The following OLFML2B variants were observed in gnomAD, a reference collection of about 807,000 sequenced individuals.
The protein encoded by OLFML2B is olfactomedin like 2B.
OLFML2B carries 57 observed loss-of-function variants against 74.9 expected under a neutral mutation model. The ratio of observed to expected loss-of-function variants is 0.76; its 90% CI spans 0.61 to 0.95. The LOEUF is 0.95. OLFML2B is among the 40% of genes least tolerant of loss of function. The pLI, the probability that OLFML2B is intolerant of heterozygous loss-of-function variation, is 0.00. For missense variants in OLFML2B, 986 were observed against 970.6 expected, an observed-to-expected ratio of 1.02 and a Z score of -0.21; for synonymous variants, 388 against 405.8, an observed-to-expected ratio of 0.96 and a Z score of 0.53.
In OLFML2B at chr1:161,984,119, G is replaced by C; in HGVS notation, c.1809C>G (p.Asp603Glu). The part of the protein sequence containing the change: ...RYVAAWAMLH[D>E]VAYEEATPWR... ...AGGGGGTGGCCTCCTCGTAGGCCAC[G>C]TCATGCAGCATGGCCCAGGCAGCCA... The change falls in exon 8 of 8, where the codon GAC becomes GAG. Residue 603 changes from aspartate (D) to glutamate (E), a missense_variant. Asp to Glu is a conservative substitution (Grantham distance 45). Coordinates refer to ENST00000294794, the MANE Select transcript of OLFML2B (RefSeq NM_015441.3). The C allele has an allele frequency of 6.2e-7, 1 of 1,611,338 alleles. No homozygotes were observed. Among genetic ancestry groups the C allele is most frequent in the Non-Finnish European group, 8.5e-7 (1 of 1,178,264 alleles).
intron 4 of OLFML2B, 73 bp from the exon 5 acceptor site, chr1:162,000,411 C>G: frequency 7.8e-7 from 1 of 1,288,600 alleles, no homozygotes. Flanking sequence ...GGGGGCAAGG[C>G]TGGAGCCAAG....
chr1:161,983,599 C>T lies in OLFML2B; in HGVS notation c.*76G>A. On this transcript the variant is annotated 3_prime_UTR_variant, in exon 8 of 8. Transcript: ENST00000294794. ...TTTTTAAACAACACATACCCACCTA[C>T]ACACACGTGCGCGCACACACATACA... 6.8e-7 allele frequency: 1 copy of T among 1,469,866 alleles called. No homozygotes were observed. The highest frequency in any genetic ancestry group is 9.2e-7 in the Non-Finnish European group (1 of 1,083,770). 91.1% of individuals were successfully genotyped at this position (1,469,866 alleles called of 1,614,324 possible). A position where few individuals can be genotyped will look rare whatever the true frequency, so the allele number is the denominator to read the frequency against.
intron 6 of OLFML2B, among the ~76,000 whole-genome samples, chr1:161,996,112 C>T (rs570659077): frequency 3.3e-5 from 5 of 152,332 alleles, no homozygotes; most frequent in South Asian, 2.1e-4. Flanking sequence ...TCCAGGCCAG[C>T]GTTCATGAGA....
At chr1:162,020,240 G>A in intron 1 of OLFML2B, 58 bp from the exon 2 acceptor site, 3 of 1,582,186 alleles carry the variant, frequency 1.9e-6, no homozygotes, top group Non-Finnish European at 2.6e-6. Flanking sequence ...TCAGCCTCCA[G>A]AAGGAGGCTC....
chr1:162,016,356 T>C (rs1257079119), intron 3 of OLFML2B, among the ~76,000 whole-genome samples: 2 of 152,254 alleles, frequency 1.3e-5, no homozygotes, highest in Non-Finnish European at 2.9e-5. Flanking sequence ...GAACTCATTC[T>C]GTCCTGACTC....
chr1:162,020,231 C>A lies in OLFML2B; in HGVS notation c.175-49G>T, dbSNP rs747827836. ...GGGGCATGCAAACACAGGTGTCAGT[C>A]AGCCTCCAGAAGGAGGCTCTCCATT... is the stretch of plus-strand genomic sequence containing the variant. On this transcript the variant is annotated intron_variant, in intron 1 of 7. Transcript: ENST00000294794. 2.5e-6 allele frequency: 4 copies of A among 1,599,680 alleles called. No homozygotes were observed. The Admixed American group carries it at 6.7e-5, about 27-fold the overall frequency.
intron 2 of OLFML2B, 39 bp downstream of exon 2, chr1:162,019,880 G>A: frequency 6.2e-7 from 1 of 1,601,980 alleles, no homozygotes; most frequent in Non-Finnish European, 8.5e-7. Context: ...TCTCAAAAGT[G>A]CCCTCTCGTC....
At position 162,023,237 on chromosome 1, in the gene OLFML2B, C is replaced by T. The variant is rs761990338; in HGVS notation, c.174+20G>A. The T allele has an allele frequency of 6.7e-7, 1 of 1,486,478 alleles. No homozygotes were observed. Among genetic ancestry groups the T allele is most frequent in the South Asian group, 1.4e-5 (1 of 73,104 alleles). 92.1% of individuals were successfully genotyped at this position (1,486,478 alleles called of 1,614,324 possible). ...CACCATCCAGGGCAAGAAGGGCGGTCGTGGCACTCTGCATCCTACCTGAGA... is the reference window on the plus strand; with the variant it reads ...CACCATCCAGGGCAAGAAGGGCGGTTGTGGCACTCTGCATCCTACCTGAGA... On this transcript the variant is annotated intron_variant, in intron 1 of 7. Coordinates refer to ENST00000294794, the MANE Select transcript of OLFML2B (RefSeq NM_015441.3).
Position 161,984,145 on chromosome 1 carries a change from C to T in OLFML2B, c.1783G>A (p.Val595Met), listed in dbSNP as rs780805933. Residue 595 changes from valine (V) to methionine (M), a missense_variant, in exon 8 of 8, where the codon GTG (valine) becomes ATG (methionine). Val to Met is a conservative substitution (Grantham distance 21). Coordinates refer to ENST00000294794, the MANE Select transcript of OLFML2B (RefSeq NM_015441.3). ...TCATGCAGCATGGCCCAGGCAGCCA[C>T]GTAGCGCTGCTTCAGGTCGTACTTG... is the stretch of plus-strand genomic sequence containing the variant. ...IIKYDLKQRYVAAWAMLHDVA... is the reference protein window; with the variant it reads ...IIKYDLKQRYMAAWAMLHDVA... 8 of 1,610,324 alleles carry T rather than the reference C, an allele frequency of 5.0e-6. No homozygotes were observed. The highest frequency in any genetic ancestry group is 1.7e-5 in the Admixed American group (1 of 59,508).
In OLFML2B at chr1:161,983,711, G is replaced by T. The variant is rs762622095; in HGVS notation, c.2217C>A (p.Gly739=). 2 of 1,612,098 alleles carry T rather than the reference G, an allele frequency of 1.2e-6. No homozygotes were observed. Among genetic ancestry groups the T allele is most frequent in the African/African-American group, 2.7e-5 (2 of 74,816 alleles). ...KDRLLYAWDN[G]HQVTYHVIFA... ...AGATGACATGGTAAGTGACCTGGTG[G>T]CCATTGTCCCAGGCATAGAGCAGGC... The change falls in exon 8 of 8, where the codon GGC becomes GGA. Residue 739 remains glycine, a synonymous_variant. Transcript: ENST00000294794.
rs1275555049 is a variant in OLFML2B, at chr1:162,019,942, C to T, written c.415G>A (p.Glu139Lys). Residue 139 changes from glutamate to lysine, a missense_variant, in exon 2 of 8, where the codon GAG becomes AAG. Transcript: ENST00000294794. ...EGDFRLQKLR[E>K]ADSQDLKLST... ...ACCTTCAAGTCCTGGCTGTCTGCCTCCCGCAGCTTCTGGAGCCTGAAGTCT... is the reference window on the plus strand; with the variant it reads ...ACCTTCAAGTCCTGGCTGTCTGCCTTCCGCAGCTTCTGGAGCCTGAAGTCT... 3.7e-6 allele frequency: 6 copies of T among 1,614,070 alleles called. No individual in the cohort carries two copies. The East Asian group carries it at 1.1e-4, about 30-fold the overall frequency.
At chr1:162,022,260 T>TTC (rs1553251579) in intron 1 of OLFML2B, among the ~76,000 whole-genome samples, 4 of 127,826 alleles carry the variant, frequency 3.1e-5, no homozygotes, top group South Asian at 2.5e-4. Flanking sequence ...TTTTTTTTTT[T>TTC]TTTTTTTTGA....
At position 161,983,946 on chromosome 1, in the gene OLFML2B, T is replaced by G; in HGVS notation, c.1982A>C (p.Glu661Ala). ...LNAADLSTQKETTWRTGLRRN... is the reference protein window; with the variant it reads ...LNAADLSTQKATTWRTGLRRN... Reference sequence around the variant, plus strand: ...CCGGAGCCCCGTGCGCCATGTGGTCTCCTTCTGTGTGCTCAGGTCCGCGGC... The same window carrying G: ...CCGGAGCCCCGTGCGCCATGTGGTCGCCTTCTGTGTGCTCAGGTCCGCGGC... The change falls in exon 8 of 8, where the codon GAG (glutamate) becomes GCG (alanine). Residue 661 changes from glutamate to alanine, a missense_variant. By Grantham distance (107) the Glu-to-Ala change is moderately radical. Transcript: ENST00000294794. The G allele has an allele frequency of 6.2e-7, 1 of 1,614,232 alleles. No individual in the cohort carries two copies. The highest frequency in any genetic ancestry group is 8.5e-7 in the Non-Finnish European group (1 of 1,180,036).
intron 3 of OLFML2B, among the ~76,000 whole-genome samples, chr1:162,011,778 C>T (rs538292390): frequency 6.6e-5 from 10 of 152,280 alleles, no homozygotes; most frequent in East Asian, 3.9e-4. Context: ...AAGACCCAGG[C>T]CTCTGGTGAT....
intron 6 of OLFML2B, among the ~76,000 whole-genome samples, chr1:161,986,048 A>G (rs1298187199): frequency 1.3e-5 from 2 of 152,160 alleles, no homozygotes; most frequent in Non-Finnish European, 2.9e-5. Flanking sequence ...CTGTCCTCAC[A>G]CTTGTGGATT....
chr1:161,995,227 G>C (rs4657132), intron 6 of OLFML2B, among the ~76,000 whole-genome samples: 86,869 of 143,774 alleles, frequency 0.6, 25,655 homozygotes, highest in Middle Eastern at 0.69. Context: ...GACAGCCAAA[G>C]CTTTCTTCTC....
rs1354436949 is a variant in OLFML2B at position 162,006,566 on chromosome 1, C to A, written c.547-93G>T. The A allele has an allele frequency of 3.1e-6, 3 of 974,494 alleles. No homozygotes were observed. In the African/African-American group the frequency reaches 4.8e-5, roughly 16 times the overall value. 60.4% of individuals were successfully genotyped at this position (974,494 alleles called of 1,614,324 possible). A position where few individuals can be genotyped will look rare whatever the true frequency, so the allele number is the denominator to read the frequency against. On this transcript the variant is annotated intron_variant, in intron 3 of 7. Transcript: ENST00000294794. ...CATCTTCGCTCAGAGCACACAGACA[C>A]AACAGACAGGCTGAGAAATCATCCA...
At chr1:161,995,593 G>C (rs183286961) in intron 6 of OLFML2B, among the ~76,000 whole-genome samples, 39 of 152,294 alleles carry the variant, frequency 2.6e-4, no homozygotes, top group African/African-American at 9.4e-4. Context: ...CAGTTGGGGA[G>C]AGGCTGGGTT....
intron 3 of OLFML2B, among the ~76,000 whole-genome samples, chr1:162,014,412 A>T (rs1442508550): frequency 6.6e-6 from 1 of 152,144 alleles, no homozygotes; most frequent in Non-Finnish European, 1.5e-5. Flanking sequence ...CCAAGGTGGA[A>T]CTGTGGCTAT....
Sources: allele counts gnomAD v4.1 joint callset (sites outside exome capture counted in the v4.1 genomes callset), GRCh38; gene constraint gnomAD v4.1.1; transcripts MANE v1.5; gene names NCBI Gene and HGNC (gene_info 2026-07-23, HGNC 2026-07-21).